Variants in VEZT observed in about 807,000 individuals in gnomAD.
VEZT encodes the protein vezatin.
Under a neutral mutation model 79.9 loss-of-function variants are expected in VEZT, and 39 were observed. The ratio of observed to expected loss-of-function variants is 0.49; its 90% CI spans 0.38 to 0.64. The LOEUF is 0.64. Ranked by LOEUF, VEZT falls within the 30% of genes least tolerant of loss-of-function variation. The pLI, the probability that VEZT is intolerant of heterozygous loss-of-function variation, is 0.00. For missense variants in VEZT, 837 were observed against 893.1 expected (o/e 0.94, Z 0.80); for synonymous variants, 325 against 327.6 (o/e 0.99, Z 0.09).
intron 1 of VEZT, among the ~76,000 whole-genome samples, chr12:95,249,149 C>T (rs1260842616): frequency 2.0e-5 from 3 of 152,170 alleles, no homozygotes; most frequent in Non-Finnish European, 4.4e-5. Context: ...GACCATATGG[C>T]TTGCAGAGTC....
intron 1 of VEZT, among the ~76,000 whole-genome samples, chr12:95,241,720 G>GT (rs1318449647): frequency 6.6e-6 from 1 of 152,026 alleles, no homozygotes; most frequent in Admixed American, 6.6e-5. Context: ...GAACATAGTA[G>GT]TTTTTTTGTT....
intron 1 of VEZT, among the ~76,000 whole-genome samples, chr12:95,229,722 C>G (rs973900688): frequency 6.6e-6 from 1 of 152,086 alleles, no homozygotes; most frequent in Non-Finnish European, 1.5e-5. Context: ...TTCCTAGAAG[C>G]AAATCATGCC....
chr12:95,235,090 T>G (rs920774401), intron 1 of VEZT, among the ~76,000 whole-genome samples: 2 of 151,990 alleles, frequency 1.3e-5, no homozygotes, highest in South Asian at 2.1e-4. Context: ...ATCCGATTTC[T>G]CAATCTTTTC....
At chr12:95,279,250 G>C (rs918808343) in intron 7 of VEZT, among the ~76,000 whole-genome samples, 2 of 152,060 alleles carry the variant, frequency 1.3e-5, no homozygotes, top group African/African-American at 2.4e-5. Context: ...TCCTTTGACT[G>C]CCATGTTGGT....
At chr12:95,277,184 C>G (rs1339261214) in intron 7 of VEZT, among the ~76,000 whole-genome samples, 1 of 151,998 alleles carries the variant, frequency 6.6e-6, no homozygotes, top group Admixed American at 6.6e-5. Context: ...TTTGTAATTC[C>G]CCTTCTACAA....
intron 11 of VEZT, among the ~76,000 whole-genome samples, chr12:95,297,185 C>T (rs183778644): frequency 3.9e-5 from 6 of 152,298 alleles, no homozygotes; most frequent in Admixed American, 1.3e-4. Flanking sequence ...TCATGGGAGA[C>T]AGGGAAGGAA....
chr12:95,230,648 A>G (rs1267960214), intron 1 of VEZT, among the ~76,000 whole-genome samples: 2 of 151,990 alleles, frequency 1.3e-5, no homozygotes, highest in East Asian at 3.9e-4. Context: ...CTTAATATCC[A>G]AACATTATAT....
chr12:95,243,785 G>A (rs1401904919), intron 1 of VEZT, among the ~76,000 whole-genome samples: 4 of 152,218 alleles, frequency 2.6e-5, no homozygotes, highest in African/African-American at 7.2e-5. Flanking sequence ...TCTCACAATA[G>A]TGAGTGAGTT....
chr12:95,287,900 C>A, intron 9 of VEZT, 43 bp downstream of exon 9: 1 of 1,494,600 alleles, frequency 6.7e-7, no homozygotes, highest in Non-Finnish European at 9.0e-7. Context: ...ATCAGACATG[C>A]TTATTCCACT....
At chr12:95,242,745 C>T (rs1254231465) in intron 1 of VEZT, among the ~76,000 whole-genome samples, 1 of 151,996 alleles carries the variant, frequency 6.6e-6, no homozygotes, top group Non-Finnish European at 1.5e-5. Context: ...TGGTGGCTGG[C>T]TCCTGTAATC....
intron 9 of VEZT, among the ~76,000 whole-genome samples, chr12:95,288,225 C>T (rs1179643588): frequency 1.3e-5 from 2 of 151,928 alleles, no homozygotes; most frequent in Non-Finnish European, 2.9e-5. Context: ...TTGAGTTTTT[C>T]TTTTAAGATA....
At chr12:95,225,792 A>AAAAG (rs2058378364) in intron 1 of VEZT, among the ~76,000 whole-genome samples, 4 of 76,028 alleles carry the variant, frequency 5.3e-5, no homozygotes, top group Non-Finnish European at 1.1e-4. Context: ...AAAAAAAAAA[A>AAAAG]AGAGAGAGAA....
intron 1 of VEZT, among the ~76,000 whole-genome samples, chr12:95,237,499 A>T (rs2060356045): frequency 6.6e-6 from 1 of 152,156 alleles, no homozygotes; most frequent in Admixed American, 6.6e-5. Context: ...GCCTCCACTG[A>T]TATCACCAAA....
chr12:95,258,805 AT>A (rs1156851131), intron 3 of VEZT, among the ~76,000 whole-genome samples: 2 of 152,216 alleles, frequency 1.3e-5, no homozygotes, highest in African/African-American at 4.8e-5. Flanking sequence ...AAAAAGCCCC[AT>A]GATATCCAAA....
intron 2 of VEZT, chr12:95,252,564 G>A (rs1183121773): frequency 1.3e-5 from 2 of 152,152 alleles, no homozygotes; most frequent in Admixed American, 6.5e-5. Context: ...TCTCATAGTC[G>A]ATGTCCAGCA....
intron 7 of VEZT, among the ~76,000 whole-genome samples, chr12:95,278,851 C>G (rs1406161715): frequency 2.0e-5 from 3 of 152,310 alleles, no homozygotes; most frequent in Non-Finnish European, 2.9e-5. Context: ...GGCGGATCAA[C>G]TGAGGTTGGG....
chr12:95,263,123 A>G, intron 4 of VEZT, 42 bp downstream of exon 4: 1 of 1,507,320 alleles, frequency 6.6e-7, no homozygotes, highest in South Asian at 1.3e-5. Flanking sequence ...GCTTACATAC[A>G]GAGTATTAGC....
intron 8 of VEZT, among the ~76,000 whole-genome samples, chr12:95,285,651 C>T (rs527453268): frequency 5.3e-4 from 81 of 152,164 alleles, no homozygotes; most frequent in African/African-American, 1.9e-3. Context: ...CTGTATTCAG[C>T]CCAGTTTTAC....
At position 95,274,782 on chromosome 12, in the gene VEZT, A is replaced by G. The variant is rs2067300518; in HGVS notation, c.889A>G (p.Ile297Val). 9.3e-6 allele frequency: 15 copies of G among 1,613,820 alleles called. No individual in the cohort carries two copies. The highest frequency in any genetic ancestry group is 1.3e-5 in the African/African-American group (1 of 75,040). The change falls in exon 7 of 12, where the codon ATC (isoleucine) becomes GTC (valine). Residue 297 changes from isoleucine (I) to valine (V), a missense_variant. Transcript: ENST00000436874. The part of the protein sequence containing the change: ...NSESDNVTNY[I>V]CVVPFKELGL... The stretch of plus-strand genomic sequence containing the variant: ...TGAGAGTGACAATGTAACCAACTAC[A>G]TCTGTGTGGTGCCTTTTAAAGAGCT...
Sources: gnomAD v4.1 joint callset for allele counts (sites outside exome capture counted in the v4.1 genomes callset) on GRCh38, gnomAD v4.1.1 for gene constraint, MANE v1.5 for transcripts, NCBI Gene and HGNC (gene_info 2026-07-23, HGNC 2026-07-21) for gene names.